The following COL6A6 variants were observed in gnomAD, a reference collection of about 807,000 sequenced individuals.
COL6A6 encodes collagen type VI alpha 6 chain, also known as collagen alpha-6(VI) chain.
COL6A6 carries 183 observed loss-of-function variants against 208.6 expected under a neutral mutation model. The ratio of observed to expected loss-of-function variants is 0.88; its 90% CI spans 0.78 to 0.99. The LOEUF (loss-of-function observed/expected upper bound fraction) is 0.99, where lower values mean the gene tolerates loss of function less well. Among genes scored for constraint, COL6A6 ranks in the 50% least tolerant of loss-of-function variants. COL6A6 has a pLI of 0.00. For synonymous variants in COL6A6, 973 were observed against 1,011.8 expected, an observed-to-expected ratio of 0.96 and a Z score of 0.73; for missense variants, 2,816 against 2,815.2, an observed-to-expected ratio of 1.00 and a Z score of -0.01.
rs1278652854 is a variant in COL6A6 at position 130,629,029 on chromosome 3, A to G, written c.4992+1660A>G. ...AGGAACGCAGTTCCTCACCAGCAAC[A>G]GAACAAAGCTGGATGGAGAATGATT... On this transcript the variant is annotated intron_variant, in intron 26 of 36. Transcript: ENST00000358511. 4.8e-4 allele frequency among the ~76,000 whole-genome samples: 32 copies of G among 66,368 alleles called. 1 individual carries two copies. The South Asian group carries it at 9.9e-3, about 20-fold the overall frequency. The allele number at this position is 66,368 out of a possible 152,430, so 43.5% of individuals were successfully genotyped here.
intron 1 of COL6A6, among the ~76,000 whole-genome samples, chr3:130,550,708 A>G (rs1190117153): frequency 6.6e-6 from 1 of 152,190 alleles, no homozygotes; most frequent in African/African-American, 2.4e-5. Flanking sequence ...CAGCCCCAAG[A>G]TTAAATTACC....
At chr3:130,590,713 A>G (rs559540707) in intron 12 of COL6A6, among the ~76,000 whole-genome samples, 37 of 151,712 alleles carry the variant, frequency 2.4e-4, no homozygotes, top group African/African-American at 8.0e-4. Flanking sequence ...GACCACAGGC[A>G]CCCGCCACCA....
rs535715171 is a variant in COL6A6, at chr3:130,592,694, A to C, written c.4345-2A>C. 10 of 1,612,890 alleles carry C rather than the reference A, an allele frequency of 6.2e-6. No homozygotes were observed. The South Asian group carries it at 9.9e-5, about 16-fold the overall frequency. On this transcript the variant is annotated splice_acceptor_variant, in intron 14 of 36. Coordinates refer to ENST00000358511, the MANE Select transcript of COL6A6 (RefSeq NM_001102608.3). LOFTEE classifies it high-confidence loss of function. ...TAACTATAACTGTCCTTTTATTTTC[A>C]GGGAAACAGAGGACTAAATGGACAG...
intron 20 of COL6A6, among the ~76,000 whole-genome samples, chr3:130,601,095 ATATACT>A (rs2064003967): frequency 6.6e-6 from 1 of 152,222 alleles, no homozygotes; most frequent in Non-Finnish European, 1.5e-5. Context: ...CTTTAATAAA[ATATACT>A]TAGATGCCTA....
intron 33 of COL6A6, among the ~76,000 whole-genome samples, chr3:130,651,690 T>C (rs1217692653): frequency 6.6e-6 from 1 of 152,112 alleles, no homozygotes; most frequent in Non-Finnish European, 1.5e-5. Context: ...GAAGTAGCAG[T>C]AGCTAAAAAA....
chr3:130,624,854 C>G (rs2064836828), intron 24 of COL6A6, among the ~76,000 whole-genome samples: 1 of 152,158 alleles, frequency 6.6e-6, no homozygotes, highest in Non-Finnish European at 1.5e-5. Context: ...AGATAAACCT[C>G]AAACACTTAC....
chr3:130,537,323 G>C (rs2062249451), intron 1 of COL6A6, among the ~76,000 whole-genome samples: 1 of 152,168 alleles, frequency 6.6e-6, no homozygotes, highest in African/African-American at 2.4e-5. Context: ...TCGGGTTGTT[G>C]AGACAATTAA....
chr3:130,641,828 C>T, intron 29 of COL6A6, 114 bp downstream of exon 29: 1 of 522,232 alleles, frequency 1.9e-6, no homozygotes, highest in Non-Finnish European at 3.4e-6. Flanking sequence ...GCTTCTTGGC[C>T]ACTTTTTTCC....
intron 36 of COL6A6, among the ~76,000 whole-genome samples, chr3:130,667,474 G>A (rs2066103836): frequency 6.6e-6 from 1 of 152,018 alleles, no homozygotes; most frequent in African/African-American, 2.4e-5. Context: ...CCTGGCCTCA[G>A]GTGATCCACC....
In COL6A6 at chr3:130,568,347, C is replaced by A. The variant is rs1426208932; in HGVS notation, c.2144C>A (p.Thr715Asn). The A allele has an allele frequency of 6.2e-7, 1 of 1,613,978 alleles. No individual in the cohort carries two copies. The highest frequency in any genetic ancestry group is 8.5e-7 in the Non-Finnish European group (1 of 1,179,898). ...LSFVSQYFSP[T>N]KGARPNIRKF... Reference sequence around the variant, plus strand: ...TTTGTGTCTCAGTACTTCAGCCCCACCAAGGGCGCCCGGCCCAACATCAGA... The same window carrying A: ...TTTGTGTCTCAGTACTTCAGCCCCAACAAGGGCGCCCGGCCCAACATCAGA... The change falls in exon 6 of 37, where the codon ACC becomes AAC. Residue 715 changes from threonine to asparagine, a missense_variant. Transcript: ENST00000358511.
intron 36 of COL6A6, among the ~76,000 whole-genome samples, chr3:130,671,971 T>C (rs1374715853): frequency 6.6e-6 from 1 of 152,250 alleles, no homozygotes; most frequent in Non-Finnish European, 1.5e-5. Flanking sequence ...CCAGAACAAT[T>C]GAATTGTAAA....
intron 15 of COL6A6, 85 bp downstream of exon 15, chr3:130,592,807 A>G (rs999627636): frequency 3.8e-6 from 5 of 1,305,960 alleles, no homozygotes; most frequent in Non-Finnish European, 5.4e-6. Flanking sequence ...AGTAAATTAT[A>G]CAAATAAAGT....
intron 18 of COL6A6, among the ~76,000 whole-genome samples, chr3:130,596,267 T>C (rs1054586581): frequency 3.3e-5 from 5 of 152,318 alleles, no homozygotes; most frequent in African/African-American, 1.2e-4. Context: ...CTTAGAAATA[T>C]TAGTTCAAAT....
Position 130,568,305 on chromosome 3 carries a change from C to A in COL6A6, c.2102C>A (p.Thr701Asn). 1 of 1,614,004 alleles carries A rather than the reference C, an allele frequency of 6.2e-7. No homozygotes were observed. The highest frequency in any genetic ancestry group is 8.5e-7 in the Non-Finnish European group (1 of 1,179,890). The change falls in exon 6 of 37, where the codon ACT becomes AAT. Residue 701 changes from threonine (T) to asparagine (N), a missense_variant. Physicochemically the swap from Thr to Asn is moderately conservative, Grantham distance 65. Coordinates refer to ENST00000358511, the MANE Select transcript of COL6A6 (RefSeq NM_001102608.3). ...GCTCACATTGGACAAACCACCCTGA[C>A]TGGTAGTGCCCTGAGCTTTGTGTCT... ...QMAHIGQTTL[T>N]GSALSFVSQY...
In COL6A6 at chr3:130,517,321, C is replaced by T. The variant is rs112854204; in HGVS notation, c.-108C>T. 6.6e-6 allele frequency among the ~76,000 whole-genome samples: 1 copy of T among 152,224 alleles called. No individual in the cohort carries two copies. Among genetic ancestry groups the T allele is most frequent in the Admixed American group, 6.5e-5 (1 of 15,292 alleles). On this transcript the variant is annotated 5_prime_UTR_variant, in exon 1 of 37. Transcript: ENST00000358511. ...CGCTCCCCGCGGTGCGCCCTGCCCG[C>T]GCAGTGCGCGTCCAGAGGAAATCCG...
At chr3:130,580,218 G>A (rs1249428331) in intron 8 of COL6A6, among the ~76,000 whole-genome samples, 2 of 152,176 alleles carry the variant, frequency 1.3e-5, no homozygotes, top group East Asian at 1.9e-4. Flanking sequence ...GATATGAGAA[G>A]ACGTAGATGC....
chr3:130,578,616 G>A (rs570277294), intron 8 of COL6A6, among the ~76,000 whole-genome samples: 21 of 152,340 alleles, frequency 1.4e-4, no homozygotes, highest in African/African-American at 4.6e-4. Context: ...GAATAAAAGA[G>A]AGGATTTACC....
intron 33 of COL6A6, among the ~76,000 whole-genome samples, chr3:130,656,139 T>C (rs2065782892): frequency 6.6e-6 from 1 of 152,144 alleles, no homozygotes; most frequent in Non-Finnish European, 1.5e-5. Context: ...CTGCAGCTCT[T>C]CTCTCTCCTC....
At chr3:130,634,697 C>T in intron 27 of COL6A6, 72 bp downstream of exon 27, 1 of 1,114,366 alleles carries the variant, frequency 9.0e-7, no homozygotes, top group Non-Finnish European at 1.3e-6. Context: ...TATCCTAGGC[C>T]AGTAGAAGAA....
Sources: allele counts gnomAD v4.1 joint callset (sites outside exome capture counted in the v4.1 genomes callset), GRCh38; gene constraint gnomAD v4.1.1; transcripts MANE v1.5; gene names NCBI Gene and HGNC (gene_info 2026-07-23, HGNC 2026-07-21).